LAMA2: variants seen among roughly 807,000 people sequenced by gnomAD.
LAMA2 encodes laminin subunit alpha 2.
LAMA2 carries 269 observed loss-of-function variants against 364.8 expected under a neutral mutation model. That is an observed-to-expected ratio of 0.74 (90% CI 0.67 to 0.82). LAMA2 has a LOEUF of 0.82. LAMA2 is among the 40% of genes least tolerant of loss of function. LAMA2 has a pLI of 0.00. For synonymous variants in LAMA2, 1,379 were observed against 1,370.6 expected (o/e 1.01, Z -0.14); for missense variants, 3,807 against 3,873.2 (o/e 0.98, Z 0.45).
chr6:129,387,296 T>C (rs1447555734), intron 35 of LAMA2, among the ~76,000 whole-genome samples: 2 of 152,088 alleles, frequency 1.3e-5, no homozygotes, highest in African/African-American at 2.4e-5. Flanking sequence ...CCAACAAACA[T>C]ATGAAAAAAG....
intron 3 of LAMA2, among the ~76,000 whole-genome samples, chr6:129,094,012 A>C (rs1775016260): frequency 6.6e-6 from 1 of 152,146 alleles, no homozygotes; most frequent in Admixed American, 6.5e-5. Context: ...ATAACTACTG[A>C]TTTTGAAGAG....
At chr6:129,448,009 T>C (rs1433601391) in intron 45 of LAMA2, among the ~76,000 whole-genome samples, 2 of 152,182 alleles carry the variant, frequency 1.3e-5, no homozygotes. Flanking sequence ...AAGTATAGGC[T>C]GGGCATGGTG....
intron 12 of LAMA2, 99 bp downstream of exon 12, chr6:129,192,952 C>A: frequency 8.2e-7 from 1 of 1,217,612 alleles, no homozygotes; most frequent in Non-Finnish European, 1.2e-6. Flanking sequence ...AAATCAAATA[C>A]ACACTGAATT....
In LAMA2 at chr6:129,267,227, C is replaced by T. The variant is rs1787585821; in HGVS notation, c.2322+8C>T. 1 of 1,564,056 alleles carries T rather than the reference C, an allele frequency of 6.4e-7. No individual in the cohort carries two copies. The highest frequency in any genetic ancestry group is 1.7e-5 in the Admixed American group (1 of 59,838). On this transcript the variant is annotated splice_region_variant and intron_variant, in intron 16 of 64. Coordinates refer to ENST00000421865, the MANE Select transcript of LAMA2 (RefSeq NM_000426.4). Reference sequence around the variant, plus strand: ...GTCACTGGAGAATGCCTGGTAAGTGCTCTCTTCTTTGGGGATGCTGATTGA... The same window carrying T: ...GTCACTGGAGAATGCCTGGTAAGTGTTCTCTTCTTTGGGGATGCTGATTGA...
At chr6:129,101,125 A>G (rs1689145480) in intron 4 of LAMA2, among the ~76,000 whole-genome samples, 1 of 152,250 alleles carries the variant, frequency 6.6e-6, no homozygotes, top group Non-Finnish European at 1.5e-5. Flanking sequence ...AAACAAACAT[A>G]TAAACCAGTA....
At chr6:129,120,239 A>G (rs984597474) in intron 4 of LAMA2, among the ~76,000 whole-genome samples, 3 of 152,226 alleles carry the variant, frequency 2.0e-5, no homozygotes, top group African/African-American at 7.2e-5. Context: ...CATCAACACA[A>G]TAAGATAAGG....
intron 40 of LAMA2, among the ~76,000 whole-genome samples, chr6:129,418,348 A>G (rs1780904875): frequency 6.6e-6 from 1 of 151,864 alleles, no homozygotes; most frequent in Non-Finnish European, 1.5e-5. Flanking sequence ...TTTTATCTAG[A>G]TATGCCTGGT....
intron 1 of LAMA2, among the ~76,000 whole-genome samples, chr6:128,989,897 T>C (rs1201538785): frequency 6.6e-6 from 1 of 152,166 alleles, no homozygotes; most frequent in Non-Finnish European, 1.5e-5. Flanking sequence ...ACGTTTTTTT[T>C]CTGTAGCCTC....
At chr6:129,454,021 G>T in intron 46 of LAMA2, 134 bp from the exon 47 acceptor site, 16 of 417,238 alleles carry the variant, frequency 3.8e-5, no homozygotes, top group African/African-American at 6.2e-5. Context: ...AATATTATTT[G>T]ACAAGTATTA....
intron 9 of LAMA2, among the ~76,000 whole-genome samples, chr6:129,170,032 A>T (rs6936161): frequency 0.33 from 50,211 of 150,794 alleles, 11,898 homozygotes; most frequent in African/African-American, 0.68. Context: ...TTTTTATTGC[A>T]TCTATTAGAT....
intron 12 of LAMA2, among the ~76,000 whole-genome samples, chr6:129,247,928 T>C (rs138919068): frequency 2.0e-5 from 3 of 152,200 alleles, no homozygotes; most frequent in Admixed American, 2.0e-4. Context: ...GTTCCTCTTT[T>C]CCCCCTTCCC....
Position 129,455,766 on chromosome 6 carries a change from T to C in LAMA2, c.6708-569T>C, listed in dbSNP as rs189759551. ...TCTGAAGGGTGGATATTGTACTGTA[T>C]ACATTAGTATGCTGTGCCAAACAAT... On this transcript the variant is annotated intron_variant, in intron 47 of 64. Transcript: ENST00000421865. 2.1e-4 allele frequency among the ~76,000 whole-genome samples: 32 copies of C among 152,328 alleles called. No individual in the cohort carries two copies. The East Asian group carries it at 6.2e-3, about 29-fold the overall frequency.
intron 3 of LAMA2, among the ~76,000 whole-genome samples, chr6:129,080,954 T>G (rs900357379): frequency 6.6e-6 from 1 of 152,204 alleles, no homozygotes; most frequent in African/African-American, 2.4e-5. Context: ...ATATGTTTAT[T>G]GTGGCACTAT....
chr6:128,958,327 T>A (rs780004749), intron 1 of LAMA2, among the ~76,000 whole-genome samples: 5 of 152,140 alleles, frequency 3.3e-5, no homozygotes, highest in African/African-American at 1.2e-4. Context: ...ATCATTTATA[T>A]GTTTAATATA....
intron 32 of LAMA2, among the ~76,000 whole-genome samples, chr6:129,355,002 C>G (rs919771532): frequency 5.3e-5 from 8 of 152,064 alleles, no homozygotes; most frequent in Non-Finnish European, 7.4e-5. Flanking sequence ...TATTCTTGCC[C>G]CACAAGGAAA....
At chr6:129,227,269 G>A (rs1208778698) in intron 12 of LAMA2, among the ~76,000 whole-genome samples, 2 of 152,190 alleles carry the variant, frequency 1.3e-5, no homozygotes, top group Non-Finnish European at 2.9e-5. Flanking sequence ...CTTTGTGATG[G>A]GTTCGAACTT....
intron 34 of LAMA2, among the ~76,000 whole-genome samples, chr6:129,378,033 A>G (rs540217804): frequency 1.3e-5 from 2 of 152,340 alleles, no homozygotes; most frequent in African/African-American, 4.8e-5. Flanking sequence ...CAAAGGCAAG[A>G]GAGATACAAG....
chr6:129,403,502 A>G (rs1056033493), intron 39 of LAMA2, among the ~76,000 whole-genome samples: 1 of 152,326 alleles, frequency 6.6e-6, no homozygotes, highest in Admixed American at 6.5e-5. Flanking sequence ...TCTGAATCTC[A>G]CAGCATGCTT....
chr6:128,957,956 G>C (rs1239736572), intron 1 of LAMA2, among the ~76,000 whole-genome samples: 1 of 139,740 alleles, frequency 7.2e-6, no homozygotes, highest in Non-Finnish European at 1.5e-5. Flanking sequence ...GGTTTCACTT[G>C]AAAATCCTAT....
Sources: gnomAD v4.1 joint callset for allele counts (sites outside exome capture counted in the v4.1 genomes callset) on GRCh38, gnomAD v4.1.1 for gene constraint, MANE v1.5 for transcripts, NCBI Gene and HGNC (gene_info 2026-07-23, HGNC 2026-07-21) for gene names.